The following LACTBL1 variants were observed in gnomAD, a reference collection of about 807,000 sequenced individuals.
LACTBL1 encodes beta-lactamase-like protein 1.
A neutral mutation model predicts 39.6 loss-of-function variants in LACTBL1; 29 were observed. The ratio of observed to expected loss-of-function variants is 0.73; its 90% confidence interval spans 0.55 to 1.00. The LOEUF is 1.00. Among genes scored for constraint, LACTBL1 ranks in the 50% least tolerant of loss-of-function variants. LACTBL1 has a pLI of 0.00. For synonymous variants in LACTBL1, 361 were observed against 360.7 expected, an observed-to-expected ratio of 1.00 and a Z score of -0.01; for missense variants, 711 against 748.5, an observed-to-expected ratio of 0.95 and a Z score of 0.59.
chr1:22,965,369 G>A (rs548559592), upstream of LACTBL1: 1,269 of 1,271,708 alleles, frequency 1.0e-3, 1 homozygote, highest in Non-Finnish European at 1.1e-3. Flanking sequence ...AGAAGCTGCA[G>A]ATGGCCGGGA....
exon 2 of LACTBL1, chr1:22,963,212 G>A: frequency 8.9e-6 from 12 of 1,349,380 alleles, no homozygotes; most frequent in Non-Finnish European, 1.1e-5. Flanking sequence ...CTGGTCCCAG[G>A]GAACCTGGAG....
intron 5 of LACTBL1, among the ~76,000 whole-genome samples, chr1:22,954,624 A>G (rs970281072): frequency 6.6e-6 from 1 of 152,214 alleles, no homozygotes; most frequent in Non-Finnish European, 1.5e-5. Context: ...TGAGTTTCAC[A>G]GAGATAAAGT....
rs75505241 is a variant in LACTBL1 at position 22,956,710 on chromosome 1, C to A, written c.554-1284G>T. ...CCCTCCGCACCTGCCTTGCTCTGTT[C>A]CTGATCCCGCCCTGCCCAATTCCCG... is the stretch of plus-strand genomic sequence containing the variant. On this transcript the variant is annotated intron_variant, in intron 4 of 5. Transcript: ENST00000426928. 2.1e-3 allele frequency among the ~76,000 whole-genome samples: 319 copies of A among 152,266 alleles called. 4 individuals carry two copies. In the East Asian group the frequency reaches 0.022, roughly 10 times the overall value.
the LACTBL1 span, among the ~76,000 whole-genome samples, chr1:22,970,576 G>A: frequency 6.6e-6 from 1 of 152,112 alleles, no homozygotes; most frequent in East Asian, 1.9e-4. Context: ...GGGAGGCCGA[G>A]GCAGGAGGAT....
At chr1:22,956,566 G>A (rs545415481) in intron 4 of LACTBL1, among the ~76,000 whole-genome samples, 19 of 152,184 alleles carry the variant, frequency 1.2e-4, no homozygotes, top group South Asian at 6.2e-4. Context: ...GACCAAAGGC[G>A]TCTGGGGCAG....
chr1:22,959,437 TG>T (rs1343780005), intron 3 of LACTBL1, among the ~76,000 whole-genome samples: 3 of 152,252 alleles, frequency 2.0e-5, no homozygotes, highest in African/African-American at 7.2e-5. Flanking sequence ...TCAGGACTCC[TG>T]TAAAACCCAC....
At chr1:22,964,824 T>C (rs530256991) in intron 1 of LACTBL1, among the ~76,000 whole-genome samples, 1 of 152,308 alleles carries the variant, frequency 6.6e-6, no homozygotes, top group South Asian at 2.1e-4. Flanking sequence ...GGCTCCTTTA[T>C]TGGGCCTTGA....
chr1:22,971,261 A>G, the LACTBL1 span, among the ~76,000 whole-genome samples: 1 of 152,036 alleles, frequency 6.6e-6, no homozygotes, highest in Non-Finnish European at 1.5e-5. Flanking sequence ...TACACCCCCA[A>G]TTTGTAGCCC....
chr1:22,970,528 A>T, the LACTBL1 span, among the ~76,000 whole-genome samples: 1 of 152,144 alleles, frequency 6.6e-6, no homozygotes, highest in Non-Finnish European at 1.5e-5. Context: ...GGTGGTGGTT[A>T]TGGGATTTTA....
chr1:22,972,174 AT>A, the LACTBL1 span: 1 of 179,210 alleles, frequency 5.6e-6, no homozygotes, highest in Non-Finnish European at 1.1e-5. Flanking sequence ...GATGATGATG[AT>A]GATGATGATG....
At position 22,955,460 on chromosome 1, in the gene LACTBL1, C is replaced by T. The variant is rs1467397642; in HGVS notation, c.554-34G>A. 34 of 1,461,230 alleles carry T rather than the reference C, an allele frequency of 2.3e-5. No individual in the cohort carries two copies. The East Asian group carries it at 6.2e-4, about 27-fold the overall frequency. The allele number at this position is 1,461,230 out of a possible 1,614,324, so 90.5% of individuals were successfully genotyped here. ...GAGCAGTGGTCAGACTTACCGGGCC[C>T]GGCTGAGGGTGGGATGGTGGGCCCC... is the stretch of plus-strand genomic sequence containing the variant. On this transcript the variant is annotated intron_variant, in intron 4 of 5. Coordinates refer to ENST00000426928, the Ensembl canonical transcript of LACTBL1.
chr1:22,964,837 C>G (rs868806898), intron 1 of LACTBL1, among the ~76,000 whole-genome samples: 1 of 152,146 alleles, frequency 6.6e-6, no homozygotes, highest in African/African-American at 2.4e-5. Context: ...GGCCTTGACC[C>G]GTTCAGGAAG....
exon 6 of LACTBL1, chr1:22,953,445 G>A (rs986425475): frequency 7.3e-6 from 9 of 1,227,548 alleles, no homozygotes; most frequent in Admixed American, 4.2e-5. Flanking sequence ...CGGCCTCCCG[G>A]AGGGCGCGCT....
At chr1:22,964,030 G>A (rs546604753) in intron 1 of LACTBL1, among the ~76,000 whole-genome samples, 18 of 152,152 alleles carry the variant, frequency 1.2e-4, no homozygotes, top group African/African-American at 2.9e-4. Context: ...TCTGCCTCCC[G>A]GGTTCAAGCG....
At chr1:22,959,701 G>T (rs1640799696) in intron 3 of LACTBL1, among the ~76,000 whole-genome samples, 1 of 152,218 alleles carries the variant, frequency 6.6e-6, no homozygotes, top group African/African-American at 2.4e-5. Flanking sequence ...TAGGGCTAAG[G>T]TTCTTTCCAG....
intron 4 of LACTBL1, among the ~76,000 whole-genome samples, chr1:22,956,128 T>C (rs1640759250): frequency 6.6e-6 from 1 of 150,696 alleles, no homozygotes; most frequent in Non-Finnish European, 1.5e-5. Flanking sequence ...ATCCCAGCAC[T>C]CTGGGAGGCT....
At chr1:22,965,368 A>T, upstream of LACTBL1, 4 of 1,272,636 alleles carry the variant, frequency 3.1e-6, no homozygotes, top group Non-Finnish European at 4.0e-6. Flanking sequence ...AAGAAGCTGC[A>T]GATGGCCGGG....
upstream of LACTBL1, among the ~76,000 whole-genome samples, chr1:22,968,009 C>A (rs900617686): frequency 1.3e-5 from 2 of 152,164 alleles, no homozygotes; most frequent in Non-Finnish European, 2.9e-5. Flanking sequence ...AAATGTAACA[C>A]CCATGCTTGA....
exon 4 of LACTBL1, chr1:22,958,819 C>T (rs967213963): frequency 1.9e-6 from 3 of 1,550,656 alleles, no homozygotes; most frequent in Non-Finnish European, 2.6e-6. Context: ...GGTGAAGGTG[C>T]TGGCATACCG....
Sources: allele counts gnomAD v4.1 joint callset (sites outside exome capture counted in the v4.1 genomes callset), GRCh38; gene constraint gnomAD v4.1.1; transcripts MANE v1.5; gene names NCBI Gene and HGNC (gene_info 2026-07-23, HGNC 2026-07-21).